The following LACRT variants were observed in gnomAD, a reference collection of about 807,000 sequenced individuals.
LACRT encodes the protein lacritin, also known as extracellular glycoprotein lacritin.
A neutral mutation model predicts 14.5 loss-of-function variants in LACRT; 14 were observed. The ratio of observed to expected loss-of-function variants is 0.96; its 90% CI spans 0.64 to 1.51. The LOEUF is 1.51. Ranked by LOEUF, LACRT falls within the 40% of genes most tolerant of loss-of-function variation. The pLI is 0.00. For missense variants in LACRT, 156 were observed against 161.8 expected, an observed-to-expected ratio of 0.96 and a Z score of 0.19; for synonymous variants, 70 against 63.5, an observed-to-expected ratio of 1.10 and a Z score of -0.48.
chr12:54,634,735 C>T (rs374238904), intron 1 of LACRT, 49 bp downstream of exon 1: 13 of 1,554,318 alleles, frequency 8.4e-6, no homozygotes, highest in Non-Finnish European at 1.2e-5. Context: ...TGAGGGGCTC[C>T]TTGGACTGGG....
At chr12:54,634,218 G>A (rs997197171) in intron 1 of LACRT, among the ~76,000 whole-genome samples, 5 of 152,116 alleles carry the variant, frequency 3.3e-5, no homozygotes, top group South Asian at 4.2e-4. Context: ...TGGGCAAGGT[G>A]GCATGAGCCT....
Position 54,633,182 on chromosome 12 carries a change from G to GT in LACRT, c.109dup (p.Thr37AsnfsTer3). 6.2e-7 allele frequency: 1 copy of GT among 1,613,828 alleles called. No homozygotes were observed. The highest frequency in any genetic ancestry group is 8.5e-7 in the Non-Finnish European group (1 of 1,179,846). On this transcript the variant is annotated frameshift_variant, in exon 2 of 5. Coordinates refer to ENST00000257867, the MANE Select transcript of LACRT (RefSeq NM_033277.2). LOFTEE classifies it high-confidence loss of function. ...GCAGCAGGGAGAGGAGGACTCACAG[G>GT]TCCCAGCTTCCTGGGCAGGATCAGC... is the stretch of plus-strand genomic sequence containing the variant.
chr12:54,630,839 G>C lies in LACRT; in HGVS notation c.*53C>G, dbSNP rs1428484047. ...GATGCTTTCGTTTTAATAGCTCTGG[G>C]CTACAAGGGTATTTAAGGCTTTAAG... On this transcript the variant is annotated 3_prime_UTR_variant, in exon 5 of 5. Coordinates refer to ENST00000257867, the MANE Select transcript of LACRT (RefSeq NM_033277.2). 7.5e-7 allele frequency: 1 copy of C among 1,330,260 alleles called. No individual in the cohort carries two copies. Among genetic ancestry groups the C allele is most frequent in the African/African-American group, 1.4e-5 (1 of 69,250 alleles). The allele number at this position is 1,330,260 out of a possible 1,614,324, so 82.4% of individuals were successfully genotyped here.
At chr12:54,631,582 C>T in intron 4 of LACRT, 156 bp downstream of exon 4, 2 of 640,538 alleles carry the variant, frequency 3.1e-6, no homozygotes, top group South Asian at 3.7e-5. Context: ...CATATGAAAG[C>T]ACAAAGTGAG....
At chr12:54,633,919 C>G (rs1958170122) in intron 1 of LACRT, among the ~76,000 whole-genome samples, 1 of 151,878 alleles carries the variant, frequency 6.6e-6, no homozygotes, top group African/African-American at 2.4e-5. Flanking sequence ...AAATCATTGG[C>G]CAGGTGACAT....
chr12:54,632,856 A>T (rs1300318559), intron 2 of LACRT, among the ~76,000 whole-genome samples: 3 of 152,010 alleles, frequency 2.0e-5, no homozygotes, highest in African/African-American at 7.3e-5. Context: ...GAGTAATGGG[A>T]GGTGTTTGCA....
intron 2 of LACRT, 67 bp from the exon 3 acceptor site, chr12:54,632,448 A>G (rs1383657977): frequency 8.2e-6 from 13 of 1,584,674 alleles, no homozygotes; most frequent in Non-Finnish European, 9.5e-6. Flanking sequence ...AATGGGTTGC[A>G]GGGCCCCAGG....
rs543524773 is a variant in LACRT, at chr12:54,633,070, C to A, written c.112+110G>T. ...CCTGCCCCTCCCCATTACCACCAAG[C>A]ACAGAATCCAGATCTCCTCCCACTG... is the stretch of plus-strand genomic sequence containing the variant. On this transcript the variant is annotated intron_variant, in intron 2 of 4. Coordinates refer to ENST00000257867, the MANE Select transcript of LACRT (RefSeq NM_033277.2). 5.0e-5 allele frequency: 53 copies of A among 1,049,680 alleles called. No individual in the cohort carries two copies. The Middle Eastern group carries it at 8.1e-4, about 16-fold the overall frequency. The allele number at this position is 1,049,680 out of a possible 1,614,324, so 65.0% of individuals were successfully genotyped here. A position where few individuals can be genotyped will look rare whatever the true frequency, so the allele number is the denominator to read the frequency against.
intron 2 of LACRT, 91 bp downstream of exon 2, chr12:54,633,089 C>T: frequency 8.3e-7 from 1 of 1,210,686 alleles, no homozygotes; most frequent in Non-Finnish European, 1.2e-6. Flanking sequence ...CAGATCTCCT[C>T]CCACTGGCTT....
chr12:54,634,013 G>T (rs1829889504), intron 1 of LACRT, among the ~76,000 whole-genome samples: 1 of 152,074 alleles, frequency 6.6e-6, no homozygotes, highest in Non-Finnish European at 1.5e-5. Context: ...TGATGTTCAA[G>T]GAACAGCAGG....
chr12:54,634,272 A>G (rs546138925), intron 1 of LACRT, among the ~76,000 whole-genome samples: 15 of 151,540 alleles, frequency 9.9e-5, no homozygotes, highest in Non-Finnish European at 2.1e-4. Flanking sequence ...TAATCGCTGG[A>G]ACCCAGGAGG....
chr12:54,634,738 G>T, intron 1 of LACRT, 46 bp downstream of exon 1: 1 of 1,556,982 alleles, frequency 6.4e-7, no homozygotes, highest in Non-Finnish European at 8.9e-7. Context: ...GGGGCTCCTT[G>T]GACTGGGAGG....
At chr12:54,634,670 G>A in intron 1 of LACRT, 114 bp downstream of exon 1, 1 of 1,017,492 alleles carries the variant, frequency 9.8e-7, no homozygotes, top group Admixed American at 1.8e-5. Context: ...GTCACTTGCA[G>A]AGGCAGGGAA....
intron 3 of LACRT, 31 bp from the exon 4 acceptor site, chr12:54,631,870 A>T: frequency 6.6e-7 from 1 of 1,509,040 alleles, no homozygotes; most frequent in African/African-American, 1.4e-5. Flanking sequence ...TCACATCAGC[A>T]GAAAAATCAC....
At chr12:54,633,096 GCTT>G in intron 2 of LACRT, 81 bp downstream of exon 2, 1 of 1,306,428 alleles carries the variant, frequency 7.7e-7, no homozygotes, top group South Asian at 1.2e-5. Context: ...CCTCCCACTG[GCTT>G]CTTCTCCCAG....
At chr12:54,631,392 A>G (rs749039036) in intron 4 of LACRT, among the ~76,000 whole-genome samples, 1 of 152,168 alleles carries the variant, frequency 6.6e-6, no homozygotes, top group Non-Finnish European at 1.5e-5. Context: ...GGCATGTGCC[A>G]CCACGCCTGG....
chr12:54,631,760 T>G lies in LACRT; in HGVS notation c.333A>C (p.Pro111=). 6.2e-7 allele frequency: 1 copy of G among 1,613,646 alleles called. No individual in the cohort carries two copies. The highest frequency in any genetic ancestry group is 8.5e-7 in the Non-Finnish European group (1 of 1,179,480). The part of the protein sequence containing the change: ...KAGKGMHGGV[P]GGKQFIENGS... ...CACTTTCGATGAATTGTTTTCCACCTGGCACGCCTCCGTGCATTCCTTTTC... is the reference window on the plus strand; with the variant it reads ...CACTTTCGATGAATTGTTTTCCACCGGGCACGCCTCCGTGCATTCCTTTTC... The change falls in exon 4 of 5, where the codon CCA becomes CCC. Residue 111 remains proline (P), a synonymous_variant. Coordinates refer to ENST00000257867, the MANE Select transcript of LACRT (RefSeq NM_033277.2).
intron 4 of LACRT, 141 bp from the exon 5 acceptor site, chr12:54,631,094 G>T (rs1958149702): frequency 1.6e-6 from 1 of 642,832 alleles, no homozygotes; most frequent in Admixed American, 2.6e-5. Flanking sequence ...GAGGGATTGA[G>T]ATTAGATTCA....
chr12:54,631,862 A>G, intron 3 of LACRT, 23 bp from the exon 4 acceptor site: 10 of 1,552,128 alleles, frequency 6.4e-6, no homozygotes, highest in Non-Finnish European at 8.9e-6. Flanking sequence ...CAGAACAATC[A>G]CATCAGCAGA....
Sources: allele counts gnomAD v4.1 joint callset (sites outside exome capture counted in the v4.1 genomes callset), GRCh38; gene constraint gnomAD v4.1.1; transcripts MANE v1.5; gene names NCBI Gene and HGNC (gene_info 2026-07-23, HGNC 2026-07-21).